Variants in SLA observed in about 807,000 individuals in gnomAD.
SLA encodes Src like adaptor, also known as src-like-adapter.
Under a neutral mutation model 30.3 loss-of-function variants are expected in SLA, and 16 were observed. The ratio of observed to expected loss-of-function variants is 0.53; its 90% CI spans 0.36 to 0.80. SLA has a LOEUF of 0.80. Ranked by LOEUF, SLA falls within the 30% of genes least tolerant of loss-of-function variation. The probability of loss-of-function intolerance (pLI) is 0.01; values close to 1 mark genes in which losing one functional copy is unlikely to be tolerated. For synonymous variants in SLA, 143 were observed against 137.8 expected (o/e 1.04, Z -0.26); for missense variants, 310 against 345.2 (o/e 0.90, Z 0.81).
At chr8:133,086,876 G>T (rs1051288956) in intron 1 of SLA, among the ~76,000 whole-genome samples, 2 of 152,092 alleles carry the variant, frequency 1.3e-5, no homozygotes, top group Non-Finnish European at 2.9e-5. Flanking sequence ...ATATTTCATT[G>T]CCTGCAGGTG....
chr8:133,040,012 C>T lies in SLA; in HGVS notation c.603G>A (p.Trp201Ter). The change falls in exon 8 of 9, where the codon TGG becomes TGA. Residue 201 changes from tryptophan (W) to a stop codon, truncating the protein, a stop_gained. Coordinates refer to ENST00000338087, the MANE Select transcript of SLA (RefSeq NM_001045556.3). LOFTEE classifies it high-confidence loss of function. ...PVTLRQKTVD[W>*]RRVSRLQEDP... ...ACCATACTCACCTGGACACTCTCCT[C>T]CAGTCCACAGTCTTCTGACGCAAGG... 6.4e-7 allele frequency: 1 copy of T among 1,551,656 alleles called. No individual in the cohort carries two copies. Among genetic ancestry groups the T allele is most frequent in the Non-Finnish European group, 8.7e-7 (1 of 1,147,014 alleles).
At chr8:133,067,941 AAGAG>A (rs1408170903) in intron 2 of SLA, among the ~76,000 whole-genome samples, 6 of 151,314 alleles carry the variant, frequency 4.0e-5, no homozygotes, top group South Asian at 2.1e-4. Flanking sequence ...GAAAGAAAGA[AAGAG>A]AGAAAGAAAG....
chr8:133,041,788 T>G (rs1424577807), intron 7 of SLA, among the ~76,000 whole-genome samples: 1 of 106,918 alleles, frequency 9.4e-6, no homozygotes, highest in African/African-American at 2.9e-5. Flanking sequence ...TGGTCAGTTT[T>G]TTTTTTTTTT....
At chr8:133,066,190 G>C (rs924481928) in intron 2 of SLA, among the ~76,000 whole-genome samples, 2 of 152,036 alleles carry the variant, frequency 1.3e-5, no homozygotes, top group Non-Finnish European at 2.9e-5. Context: ...GCCGGGCGTG[G>C]TGGCAGGCAC....
chr8:133,087,071 TACACACACACAC>T (rs56028043), intron 1 of SLA, among the ~76,000 whole-genome samples: 23,710 of 143,016 alleles, frequency 0.17, 2,008 homozygotes, highest in South Asian at 0.18. Context: ...AATATATGTT[TACACACACACAC>T]ACACACACAC....
chr8:133,057,294 C>T (rs147856505), intron 3 of SLA, among the ~76,000 whole-genome samples: 147 of 152,184 alleles, frequency 9.7e-4, no homozygotes, highest in Admixed American at 1.6e-3. Flanking sequence ...CTGACCACAG[C>T]GGGACTTCCC....
chr8:133,087,049 A>G (rs1846675440), intron 1 of SLA, among the ~76,000 whole-genome samples: 2 of 151,080 alleles, frequency 1.3e-5, no homozygotes, highest in South Asian at 2.1e-4. Flanking sequence ...AATATGCTGT[A>G]TAGATTTCCT....
At chr8:133,059,616 G>A (rs1842069253) in intron 3 of SLA, among the ~76,000 whole-genome samples, 1 of 151,986 alleles carries the variant, frequency 6.6e-6, no homozygotes, top group Non-Finnish European at 1.5e-5. Flanking sequence ...TTGTTTTCAG[G>A]AAGATGTCAC....
At chr8:133,053,678 T>C (rs2741197) in intron 3 of SLA, among the ~76,000 whole-genome samples, 1,781 of 152,310 alleles carry the variant, frequency 0.012, 34 homozygotes, top group South Asian at 0.05. Flanking sequence ...ACAGAACAAT[T>C]GTCTTTCCTA....
chr8:133,058,410 C>G (rs1041540227), intron 3 of SLA, among the ~76,000 whole-genome samples: 26 of 152,208 alleles, frequency 1.7e-4, no homozygotes, highest in Admixed American at 6.5e-4. Context: ...GGAACAAAAT[C>G]AACTTATTTC....
At chr8:133,070,013 A>G (rs1425696588) in intron 2 of SLA, among the ~76,000 whole-genome samples, 3 of 116,606 alleles carry the variant, frequency 2.6e-5, no homozygotes, top group African/African-American at 6.0e-5. Flanking sequence ...AAAAAAAAAA[A>G]AAAAAAAAAA....
intron 1 of SLA, among the ~76,000 whole-genome samples, chr8:133,083,731 G>T (rs1281424054): frequency 6.6e-6 from 1 of 152,090 alleles, no homozygotes; most frequent in African/African-American, 2.4e-5. Context: ...ATTTGAAGAG[G>T]ATTTGAAGAG....
intron 2 of SLA, 115 bp downstream of exon 2, chr8:133,074,738 A>G (rs985803006): frequency 8.1e-6 from 4 of 491,486 alleles, no homozygotes; most frequent in Admixed American, 1.3e-4. Context: ...ACATTGCCCC[A>G]CCTGTTCTCA....
At chr8:133,088,248 C>T (rs1192759589) in intron 1 of SLA, among the ~76,000 whole-genome samples, 3 of 148,138 alleles carry the variant, frequency 2.0e-5, no homozygotes, top group Non-Finnish European at 4.6e-5. Context: ...GAGCCAGGCT[C>T]CCCTCCTGCT....
intron 2 of SLA, among the ~76,000 whole-genome samples, chr8:133,067,911 G>T (rs1270845634): frequency 1.9e-5 from 1 of 52,352 alleles, no homozygotes; most frequent in South Asian, 4.5e-4. Context: ...AGGAAGGAAG[G>T]AAGGAAAGAG....
intron 2 of SLA, among the ~76,000 whole-genome samples, chr8:133,067,916 A>AAGG (rs1491304237): frequency 0.091 from 8,316 of 91,792 alleles, 666 homozygotes; most frequent in African/African-American, 0.21. Flanking sequence ...GGAAGGAAGG[A>AAGG]AAGAGAGAGA....
chr8:133,092,858 A>G (rs974269014), intron 1 of SLA, among the ~76,000 whole-genome samples: 2 of 152,248 alleles, frequency 1.3e-5, no homozygotes, highest in African/African-American at 4.8e-5. Context: ...TCCTTCAGAA[A>G]GATCAATTTA....
Position 133,050,832 on chromosome 8 carries a change from G to A in SLA, c.145C>T (p.Leu49=). ...CTGACTCACTCAGAAATCACACGCA[G>A]TTTCTCCCCTCGGCGGAATATCGGG... ...SPPIFRRGEK[L]RVISDEGGWW... Residue 49 remains leucine, a synonymous_variant, in exon 4 of 9, where the codon CTG becomes TTG. Transcript: ENST00000338087. The A allele has an allele frequency of 6.2e-7, 1 of 1,609,820 alleles. No individual in the cohort carries two copies. The highest frequency in any genetic ancestry group is 8.5e-7 in the Non-Finnish European group (1 of 1,176,026).
chr8:133,037,584 T>C lies in SLA; in HGVS notation c.*940A>G, dbSNP rs1221458362. On this transcript the variant is annotated 3_prime_UTR_variant, in exon 9 of 9. Transcript: ENST00000338087. ...CTCTTTTTACACATTTGTTTATACA[T>C]TTTTTCCCTGTCTACACTGTGAACA... 2 of 152,118 alleles carry C rather than the reference T, an allele frequency of 1.3e-5. No homozygotes were observed. The highest frequency in any genetic ancestry group is 2.9e-5 in the Non-Finnish European group (2 of 68,012). The allele number at this position is 152,118 out of a possible 1,614,324, so 9.4% of individuals were successfully genotyped here.
Sources: allele counts gnomAD v4.1 joint callset (sites outside exome capture counted in the v4.1 genomes callset), GRCh38; gene constraint gnomAD v4.1.1; transcripts MANE v1.5; gene names NCBI Gene and HGNC (gene_info 2026-07-23, HGNC 2026-07-21).